Variants in DNAJC24 observed in about 807,000 individuals in gnomAD.
The protein encoded by DNAJC24 is DnaJ heat shock protein family (Hsp40) member C24, also known as dnaJ homolog subfamily C member 24.
Under a neutral mutation model 18.0 loss-of-function variants are expected in DNAJC24, and 17 were observed. The observed-to-expected ratio is 0.94, with a 90% CI of 0.65 to 1.42. DNAJC24 has a LOEUF of 1.42. DNAJC24 is among the 40% of genes most tolerant of loss of function. DNAJC24 has a pLI of 0.00. For missense variants in DNAJC24, 158 were observed against 175.6 expected (o/e 0.90, Z 0.57); for synonymous variants, 55 against 57.7 (o/e 0.95, Z 0.21).
chr11:31,421,511 G>A (rs1195329577), intron 3 of DNAJC24, among the ~76,000 whole-genome samples: 1 of 152,180 alleles, frequency 6.6e-6, no homozygotes, highest in Non-Finnish European at 1.5e-5. Context: ...CAGAGCTGCA[G>A]GTGGACTTGA....
At chr11:31,389,827 G>T (rs1952470812) in intron 2 of DNAJC24, among the ~76,000 whole-genome samples, 1 of 152,122 alleles carries the variant, frequency 6.6e-6, no homozygotes, top group South Asian at 2.1e-4. Context: ...CAGCCACAAT[G>T]GAGTAAAACT....
chr11:31,413,534 G>T (rs956902090), intron 2 of DNAJC24, among the ~76,000 whole-genome samples: 1 of 151,758 alleles, frequency 6.6e-6, no homozygotes, highest in Admixed American at 6.6e-5. Context: ...GGGTTTCACT[G>T]TGTTAGCCAG....
chr11:31,423,641 C>A (rs2133504213), intron 3 of DNAJC24, among the ~76,000 whole-genome samples: 1 of 152,256 alleles, frequency 6.6e-6, no homozygotes, highest in East Asian at 1.9e-4. Flanking sequence ...TGCCAGTTAA[C>A]ATTTTGTGTA....
intron 2 of DNAJC24, among the ~76,000 whole-genome samples, chr11:31,375,658 C>CAGGA (rs1030266924): frequency 7.5e-6 from 1 of 134,112 alleles, no homozygotes; most frequent in African/African-American, 2.5e-5. Flanking sequence ...TTCATTGTTA[C>CAGGA]AGGAAGGAAG....
intron 2 of DNAJC24, among the ~76,000 whole-genome samples, chr11:31,380,076 A>C (rs891207793): frequency 6.6e-6 from 1 of 152,206 alleles, no homozygotes; most frequent in Non-Finnish European, 1.5e-5. Context: ...GGCTGAAAGA[A>C]ATCTTAAAAT....
intron 2 of DNAJC24, 106 bp downstream of exon 2, chr11:31,370,965 C>A: frequency 1.6e-6 from 1 of 634,268 alleles, no homozygotes; most frequent in Non-Finnish European, 2.7e-6. Flanking sequence ...TGGCAGGAAT[C>A]CAGGTATTAA....
rs1213652165 is a variant in DNAJC24, at chr11:31,432,380, A to T, written c.*1979A>T. 4.7e-6 allele frequency: 3 copies of T among 636,234 alleles called. No individual in the cohort carries two copies. In the East Asian group the frequency reaches 8.4e-5, roughly 18 times the overall value. 39.4% of individuals were successfully genotyped at this position (636,234 alleles called of 1,614,324 possible). On this transcript the variant is annotated 3_prime_UTR_variant, in exon 5 of 5. Coordinates refer to ENST00000465995, the MANE Select transcript of DNAJC24 (RefSeq NM_181706.5). Reference sequence around the variant, plus strand: ...GTGTGTTGAATATTCTTTACATTTAACAATTAAAAACAACTAAAACTGAAT... The same window carrying T: ...GTGTGTTGAATATTCTTTACATTTATCAATTAAAAACAACTAAAACTGAAT...
chr11:31,406,965 A>G (rs1454408462), intron 2 of DNAJC24, among the ~76,000 whole-genome samples: 8 of 152,194 alleles, frequency 5.3e-5, no homozygotes, highest in Non-Finnish European at 1.0e-4. Context: ...AGGAGGATAA[A>G]CAAATTTTAG....
chr11:31,429,547 C>G (rs1952899279), intron 4 of DNAJC24: 2 of 371,200 alleles, frequency 5.4e-6, no homozygotes, highest in Non-Finnish European at 1.2e-5. Flanking sequence ...TCAAAGGGCA[C>G]AAGCATTTCA....
chr11:31,374,129 T>C lies in DNAJC24; in HGVS notation c.111+3270T>C. 5.1e-6 allele frequency: 2 copies of C among 394,372 alleles called. 1 individual carries two copies. The highest frequency in any genetic ancestry group is 1.0e-5 in the Non-Finnish European group (2 of 191,208). 24.4% of individuals were successfully genotyped at this position (394,372 alleles called of 1,614,324 possible). On this transcript the variant is annotated intron_variant, in intron 2 of 4. Coordinates refer to ENST00000465995, the MANE Select transcript of DNAJC24 (RefSeq NM_181706.5). ...CACTAGCTGGTTGCTTCTATTAAAA[T>C]GTTCAGTTGAAGTGTTAAGAGCAGG...
intron 2 of DNAJC24, among the ~76,000 whole-genome samples, chr11:31,371,424 A>T (rs770241868): frequency 6.6e-6 from 1 of 152,154 alleles, no homozygotes. Flanking sequence ...AGAATTCTTG[A>T]TCTCTTACCT....
chr11:31,424,734 A>T (rs1219260601), intron 3 of DNAJC24, among the ~76,000 whole-genome samples: 1 of 152,218 alleles, frequency 6.6e-6, no homozygotes, highest in Admixed American at 6.5e-5. Context: ...AATATCTGAC[A>T]TACTTTAATA....
intron 2 of DNAJC24, among the ~76,000 whole-genome samples, chr11:31,400,042 G>C (rs1440871449): frequency 2.0e-5 from 3 of 152,106 alleles, no homozygotes; most frequent in African/African-American, 7.2e-5. Flanking sequence ...TTAGTTGGCT[G>C]AGAATGATGA....
rs539221819 is a variant in DNAJC24 at position 31,395,737 on chromosome 11, G to A, written c.112-19074G>A. Among the ~76,000 whole-genome samples the A allele has an allele frequency of 1.3e-4, 20 of 152,262 alleles. No homozygotes were observed. The East Asian group carries it at 3.7e-3, about 28-fold the overall frequency. ...CACTGTGCTAGGTGCTATGGATTTA[G>A]TGGTGAATGTGGACAAAGGTCCTTA... On this transcript the variant is annotated intron_variant, in intron 2 of 4. Transcript: ENST00000465995.
intron 2 of DNAJC24, among the ~76,000 whole-genome samples, chr11:31,408,991 T>G (rs985295482): frequency 2.6e-5 from 4 of 152,230 alleles, no homozygotes; most frequent in Non-Finnish European, 5.9e-5. Flanking sequence ...CATTTTGGCT[T>G]TCTACTCAAC....
At chr11:31,416,330 A>T (rs1474207591) in intron 3 of DNAJC24, 14 of 152,166 alleles carry the variant, frequency 9.2e-5, no homozygotes, top group Admixed American at 9.2e-4. Flanking sequence ...GCTTCGTTTG[A>T]TGATAAGTTC....
At chr11:31,394,868 A>C (rs1328423775) in intron 2 of DNAJC24, among the ~76,000 whole-genome samples, 1 of 152,038 alleles carries the variant, frequency 6.6e-6, no homozygotes, top group Non-Finnish European at 1.5e-5. Flanking sequence ...ATTAAAATAC[A>C]AAAAAAAGTA....
At chr11:31,403,896 TAA>T (rs909669068) in intron 2 of DNAJC24, among the ~76,000 whole-genome samples, 3 of 152,232 alleles carry the variant, frequency 2.0e-5, no homozygotes, top group African/African-American at 4.8e-5. Context: ...AGTAGAGGAT[TAA>T]AAGAGTGGCT....
intron 3 of DNAJC24, among the ~76,000 whole-genome samples, chr11:31,423,676 A>AT (rs1460727611): frequency 4.6e-5 from 7 of 152,084 alleles, no homozygotes; most frequent in Admixed American, 2.6e-4. Context: ...AGTGTGTTAT[A>AT]TTTTTTTGTC....
Sources: gnomAD v4.1 joint callset for allele counts (sites outside exome capture counted in the v4.1 genomes callset) on GRCh38, gnomAD v4.1.1 for gene constraint, MANE v1.5 for transcripts, NCBI Gene and HGNC (gene_info 2026-07-23, HGNC 2026-07-21) for gene names.